The following CASP6 variants were observed in gnomAD, a reference collection of about 807,000 sequenced individuals.
CASP6 encodes caspase 6, also known as caspase-6.
A neutral mutation model predicts 31.8 loss-of-function variants in CASP6; 20 were observed. The observed-to-expected ratio is 0.63, with a 90% CI of 0.44 to 0.91. The LOEUF (loss-of-function observed/expected upper bound fraction) is 0.91, where lower values mean the gene tolerates loss of function less well. Ranked by LOEUF, CASP6 falls within the 40% of genes least tolerant of loss-of-function variation. The pLI is 0.00. For synonymous variants in CASP6, 130 were observed against 127.8 expected (o/e 1.02, Z -0.12); for missense variants, 328 against 361.1 (o/e 0.91, Z 0.74).
the CASP6 span, among the ~76,000 whole-genome samples, chr4:109,679,817 T>TTGTTGTTG: frequency 2.1e-5 from 3 of 145,990 alleles, no homozygotes; most frequent in African/African-American, 8.4e-5. Context: ...TGTTGTTGTT[T>TTGTTGTTG]TTGAGACAGA....
intron 3 of CASP6, among the ~76,000 whole-genome samples, chr4:109,697,188 A>G (rs1016983960): frequency 6.6e-6 from 1 of 152,142 alleles, no homozygotes; most frequent in Non-Finnish European, 1.5e-5. Flanking sequence ...TATGATAAGT[A>G]ACTTTTCCCT....
At chr4:109,664,871 T>C in the CASP6 span, among the ~76,000 whole-genome samples, 4 of 152,128 alleles carry the variant, frequency 2.6e-5, no homozygotes, top group African/African-American at 9.7e-5. Context: ...ACCGACATTA[T>C]TGGGTTAAGA....
chr4:109,672,431 C>T, the CASP6 span, among the ~76,000 whole-genome samples: 1 of 152,186 alleles, frequency 6.6e-6, no homozygotes, highest in Non-Finnish European at 1.5e-5. Context: ...GAGTGTCCAG[C>T]AATTCACCAA....
chr4:109,676,183 G>A, the CASP6 span, among the ~76,000 whole-genome samples: 1 of 152,134 alleles, frequency 6.6e-6, no homozygotes, highest in Admixed American at 6.5e-5. Flanking sequence ...GAGAATAGCT[G>A]TAGGAAGTCT....
chr4:109,706,162 TATATATATACAC>T (rs1373401692), upstream of CASP6, among the ~76,000 whole-genome samples: 7 of 87,758 alleles, frequency 8.0e-5, no homozygotes, highest in African/African-American at 3.6e-4. Flanking sequence ...TATATATATA[TATATATATACAC>T]ACACACATAT....
Position 109,694,600 on chromosome 4 carries a change from A to C in CASP6, c.408T>G (p.Ile136Met), listed in dbSNP as rs749389221. Residue 136 changes from isoleucine (I) to methionine (M), a missense_variant, in exon 5 of 7, where the codon ATT (isoleucine) becomes ATG (methionine). Ile to Met is a conservative substitution (Grantham distance 10, BLOSUM62 1). Transcript: ENST00000265164. The part of the protein sequence containing the change: ...HIYAYDAKIE[I>M]QTLTGLFKGD... ...CTTTGAACAAGCCAGTTAATGTCTGAATTTCGATTTTAGCATCATATGCAT... is the reference window on the plus strand; with the variant it reads ...CTTTGAACAAGCCAGTTAATGTCTGCATTTCGATTTTAGCATCATATGCAT... 2 of 1,612,518 alleles carry C rather than the reference A, an allele frequency of 1.2e-6. No homozygotes were observed. Among genetic ancestry groups the C allele is most frequent in the South Asian group, 2.2e-5 (2 of 90,606 alleles).
At chr4:109,701,020 G>A (rs1293985807) in intron 1 of CASP6, among the ~76,000 whole-genome samples, 4 of 152,138 alleles carry the variant, frequency 2.6e-5, no homozygotes, top group Non-Finnish European at 5.9e-5. Context: ...GTGCAGTGGC[G>A]TGGTCTCGGC....
the CASP6 span, among the ~76,000 whole-genome samples, chr4:109,708,880 C>T: frequency 1.3e-5 from 2 of 152,170 alleles, no homozygotes; most frequent in Non-Finnish European, 2.9e-5. Context: ...ATTTTAGCCT[C>T]TTAAAGCAAC....
At chr4:109,709,089 T>C in the CASP6 span, among the ~76,000 whole-genome samples, 1 of 152,230 alleles carries the variant, frequency 6.6e-6, no homozygotes, top group Non-Finnish European at 1.5e-5. Context: ...TGCAAACTCC[T>C]ATGAAAGTAC....
At chr4:109,687,019 T>A (rs1443149891), downstream of CASP6, among the ~76,000 whole-genome samples, 1 of 151,840 alleles carries the variant, frequency 6.6e-6, no homozygotes, top group African/African-American at 2.4e-5. Flanking sequence ...TAAACTGTAT[T>A]TTTTTTTAAG....
intron 3 of CASP6, 154 bp from the exon 4 acceptor site, chr4:109,696,640 A>T (rs1730248087): frequency 7.0e-6 from 4 of 570,684 alleles, no homozygotes; most frequent in Non-Finnish European, 1.2e-5. Context: ...TTTTCCCTTC[A>T]TTCACCATGG....
At position 109,688,761 on chromosome 4, in the gene CASP6, C is replaced by T. The variant is rs1479551096; in HGVS notation, c.*569G>A. The stretch of plus-strand genomic sequence containing the variant: ...TCAGCTAGATTTTTGTGTAACCCTG[C>T]AGTTTATTAAAAAATAATACAAATG... On this transcript the variant is annotated 3_prime_UTR_variant, in exon 7 of 7. Coordinates refer to ENST00000265164, the MANE Select transcript of CASP6 (RefSeq NM_001226.4). The T allele has an allele frequency of 6.6e-6, 1 of 151,916 alleles. No individual in the cohort carries two copies. Among genetic ancestry groups the T allele is most frequent in the Non-Finnish European group, 1.5e-5 (1 of 67,992 alleles). The allele number at this position is 151,916 out of a possible 1,614,324, so 9.4% of individuals were successfully genotyped here.
chr4:109,694,780 C>A, intron 4 of CASP6, 80 bp from the exon 5 acceptor site: 1 of 1,315,458 alleles, frequency 7.6e-7, no homozygotes, highest in South Asian at 1.8e-5. Flanking sequence ...TTTATTAACA[C>A]AAGAATAAAG....
At chr4:109,703,046 GC>G (rs1730473481) in intron 1 of CASP6, among the ~76,000 whole-genome samples, 2 of 152,150 alleles carry the variant, frequency 1.3e-5, no homozygotes, top group African/African-American at 4.8e-5. Flanking sequence ...CAGCCGGGGC[GC>G]CCCGAAAGCG....
At chr4:109,684,117 CAGTGG>C (rs1215090017), downstream of CASP6, among the ~76,000 whole-genome samples, 29 of 142,936 alleles carry the variant, frequency 2.0e-4, 1 homozygote, top group Admixed American at 2.0e-3. Context: ...GGCTGGAGTG[CAGTGG>C]AGTGATCTTG....
At chr4:109,667,024 C>T in the CASP6 span, among the ~76,000 whole-genome samples, 13 of 152,112 alleles carry the variant, frequency 8.5e-5, no homozygotes, top group East Asian at 3.9e-4. Flanking sequence ...TCTATATTCA[C>T]GAGAGATATT....
chr4:109,692,763 C>A (rs1730098665), intron 5 of CASP6: 1 of 152,222 alleles, frequency 6.6e-6, no homozygotes, highest in African/African-American at 2.4e-5. Context: ...AGGTTCTACA[C>A]CTGTATGACC....
At chr4:109,697,883 G>A in intron 2 of CASP6, 115 bp from the exon 3 acceptor site, 1 of 1,149,156 alleles carries the variant, frequency 8.7e-7, no homozygotes, top group South Asian at 1.6e-5. Flanking sequence ...CCAGGCTGAT[G>A]TTCCATGGGT....
chr4:109,665,890 G>A, the CASP6 span, among the ~76,000 whole-genome samples: 1 of 151,804 alleles, frequency 6.6e-6, no homozygotes, highest in Admixed American at 6.6e-5. Flanking sequence ...TTTAAGAAAG[G>A]GGGTACAACA....
Sources: gnomAD v4.1 joint callset for allele counts (sites outside exome capture counted in the v4.1 genomes callset) on GRCh38, gnomAD v4.1.1 for gene constraint, MANE v1.5 for transcripts, NCBI Gene and HGNC (gene_info 2026-07-23, HGNC 2026-07-21) for gene names.